The following DCC variants were observed in gnomAD, a reference collection of about 807,000 sequenced individuals.
DCC encodes netrin receptor DCC.
In DCC, 58 loss-of-function variants were observed where a neutral mutation model predicts 172.5. The observed-to-expected ratio is 0.34, with a 90% confidence interval of 0.27 to 0.42. The LOEUF is 0.42. DCC is among the 10% of genes least tolerant of loss of function. The pLI, the probability that DCC is intolerant of heterozygous loss-of-function variation, is 1.00. For synonymous variants in DCC, 709 were observed against 644.5 expected, an observed-to-expected ratio of 1.10 and a Z score of -1.52; for missense variants, 1,740 against 1,791.0, an observed-to-expected ratio of 0.97 and a Z score of 0.51.
intron 9 of DCC, 31 bp from the exon 10 acceptor site, chr18:53,205,185 T>G: frequency 1.3e-6 from 2 of 1,594,244 alleles, no homozygotes; most frequent in Non-Finnish European, 1.7e-6. Context: ...CTAATCACTT[T>G]TCTTTCTTTC....
intron 12 of DCC, among the ~76,000 whole-genome samples, chr18:53,239,368 C>G (rs2056254882): frequency 6.6e-6 from 1 of 151,714 alleles, no homozygotes; most frequent in Non-Finnish European, 1.5e-5. Context: ...TGGGGTTTTT[C>G]AAACCACAGA....
intron 1 of DCC, among the ~76,000 whole-genome samples, chr18:52,499,926 G>A (rs1470788982): frequency 6.6e-6 from 1 of 152,100 alleles, no homozygotes; most frequent in Non-Finnish European, 1.5e-5. Flanking sequence ...GAGACTGAAT[G>A]AATTAGGGAT....
chr18:52,979,249 A>G (rs1040235319), intron 5 of DCC, among the ~76,000 whole-genome samples: 13 of 152,208 alleles, frequency 8.5e-5, no homozygotes, highest in African/African-American at 2.7e-4. Flanking sequence ...GTAGTTTCCT[A>G]TGAAGACGGA....
chr18:53,402,978 G>T, intron 19 of DCC, 85 bp downstream of exon 19: 1 of 944,052 alleles, frequency 1.1e-6, no homozygotes, highest in South Asian at 1.3e-5. Context: ...CCTGCCTTTC[G>T]TGTGGCATTA....
chr18:53,083,781 G>A (rs2042838707), intron 7 of DCC, among the ~76,000 whole-genome samples: 3 of 152,150 alleles, frequency 2.0e-5, no homozygotes, highest in Admixed American at 2.0e-4. Flanking sequence ...TATGTTTCCA[G>A]ATATTCAAAG....
intron 22 of DCC, among the ~76,000 whole-genome samples, chr18:53,439,681 A>AT (rs1912142890): frequency 6.6e-6 from 1 of 152,192 alleles, no homozygotes; most frequent in African/African-American, 2.4e-5. Context: ...GCCCTTAATT[A>AT]AATGGTAGAA....
chr18:53,003,682 TAGGG>T (rs549315616), intron 5 of DCC, among the ~76,000 whole-genome samples: 242 of 152,100 alleles, frequency 1.6e-3, no homozygotes, highest in African/African-American at 5.5e-3. Flanking sequence ...AGGTTTTAGG[TAGGG>T]AGGAAAAGGA....
intron 1 of DCC, among the ~76,000 whole-genome samples, chr18:52,512,194 G>A (rs149218976): frequency 7.0e-4 from 106 of 152,290 alleles, no homozygotes; most frequent in African/African-American, 2.3e-3. Context: ...AAAGGGTTGT[G>A]CAATTTTATT....
intron 1 of DCC, among the ~76,000 whole-genome samples, chr18:52,725,424 T>G (rs1030061153): frequency 3.3e-5 from 5 of 152,208 alleles, no homozygotes; most frequent in Non-Finnish European, 7.3e-5. Context: ...GGTGACATAA[T>G]AGAATAATGT....
intron 20 of DCC, among the ~76,000 whole-genome samples, chr18:53,414,091 G>C (rs1189907236): frequency 6.6e-6 from 1 of 152,130 alleles, no homozygotes; most frequent in African/African-American, 2.4e-5. Flanking sequence ...AGAAACTCTA[G>C]ATAAAATTAA....
intron 2 of DCC, among the ~76,000 whole-genome samples, chr18:52,758,594 T>C (rs1056469276): frequency 6.6e-6 from 1 of 151,962 alleles, no homozygotes; most frequent in Non-Finnish European, 1.5e-5. Flanking sequence ...AGTGAAAGCA[T>C]ATTATGGTGA....
chr18:53,337,342 G>A (rs1448844092), intron 14 of DCC, among the ~76,000 whole-genome samples: 1 of 152,182 alleles, frequency 6.6e-6, no homozygotes, highest in African/African-American at 2.4e-5. Context: ...TGTTTTAATA[G>A]TTAGTGCAAA....
chr18:52,914,842 T>C (rs1332360059), intron 3 of DCC, among the ~76,000 whole-genome samples: 1 of 152,240 alleles, frequency 6.6e-6, no homozygotes, highest in Non-Finnish European at 1.5e-5. Context: ...ACTAGCTCTC[T>C]GAAGTTAAAT....
At chr18:52,815,435 C>G (rs1253718291) in intron 2 of DCC, among the ~76,000 whole-genome samples, 2 of 145,098 alleles carry the variant, frequency 1.4e-5, no homozygotes, top group African/African-American at 5.1e-5. Context: ...CACACACACA[C>G]ACGTTCTCTC....
intron 15 of DCC, among the ~76,000 whole-genome samples, chr18:53,374,968 T>C (rs1338925628): frequency 6.6e-6 from 1 of 152,216 alleles, no homozygotes; most frequent in Non-Finnish European, 1.5e-5. Context: ...GCCTACTTGC[T>C]GTCTTACTCA....
chr18:53,095,234 A>G (rs1454468168), intron 7 of DCC, among the ~76,000 whole-genome samples: 2 of 152,178 alleles, frequency 1.3e-5, no homozygotes, highest in African/African-American at 2.4e-5. Context: ...AACCTGCTTA[A>G]CCACAGAATG....
At position 52,582,674 on chromosome 18, in the gene DCC, G is replaced by A. The variant is rs554730955; in HGVS notation, c.92-169380G>A. On this transcript the variant is annotated intron_variant, in intron 1 of 28. Coordinates refer to ENST00000442544, the MANE Select transcript of DCC (RefSeq NM_005215.4). The stretch of plus-strand genomic sequence containing the variant: ...TAGATAAAAGATGACTAGGGACAGG[G>A]CCATTACTTTCTTTGATGGCTTCAA... Among the ~76,000 whole-genome samples, 9 of 152,252 alleles carry A rather than the reference G, an allele frequency of 5.9e-5. No individual in the cohort carries two copies. In the South Asian group the frequency reaches 1.7e-3, roughly 28 times the overall value.
At chr18:53,515,714 ATAAAATACCCAGGAATCCAAC>A (rs1021704517) in intron 27 of DCC, among the ~76,000 whole-genome samples, 3 of 151,410 alleles carry the variant, frequency 2.0e-5, no homozygotes, top group Non-Finnish European at 4.4e-5. Flanking sequence ...TTCAAAGAGA[ATAAAATACCCAGGAATCCAAC>A]TTACAAGGGA....
At chr18:53,450,777 C>T (rs1238528495) in intron 23 of DCC, 115 bp downstream of exon 23, 5 of 868,716 alleles carry the variant, frequency 5.8e-6, no homozygotes, top group African/African-American at 1.7e-5. Context: ...ACTTCCTAAC[C>T]CTGGCAAAAC....
Sources: gnomAD v4.1 joint callset for allele counts (sites outside exome capture counted in the v4.1 genomes callset) on GRCh38, gnomAD v4.1.1 for gene constraint, MANE v1.5 for transcripts, NCBI Gene and HGNC (gene_info 2026-07-23, HGNC 2026-07-21) for gene names.